The following SLC1A5 variants were observed in gnomAD, a reference collection of about 807,000 sequenced individuals.
The protein encoded by SLC1A5 is solute carrier family 1 member 5.
Under a neutral mutation model 34.9 loss-of-function variants are expected in SLC1A5, and 25 were observed. The observed-to-expected ratio is 0.72, with a 90% CI of 0.52 to 1.00. SLC1A5 has a LOEUF of 1.00. SLC1A5 is among the 50% of genes least tolerant of loss of function. SLC1A5 has a pLI of 0.00. For synonymous variants in SLC1A5, 351 were observed against 341.2 expected (o/e 1.03, Z -0.32); for missense variants, 637 against 740.0 (o/e 0.86, Z 1.61).
In SLC1A5 at chr19:46,778,824, G is replaced by T. The variant is rs371793124; in HGVS notation, c.909C>A (p.Gly303=). Residue 303 remains glycine (G), a synonymous_variant, in exon 5 of 8, where the codon GGC becomes GGA. Transcript: ENST00000542575. ...EDVGLLFARL[G]KYILCCLLGH... ...CCAGCAGGCAGCACAGAATGTACTT[G>T]CCAAGGCGGGCAAAGAGTAAACCCA... 3 of 1,611,110 alleles carry T rather than the reference G, an allele frequency of 1.9e-6. No individual in the cohort carries two copies. In the African/African-American group the frequency reaches 4.0e-5, roughly 22 times the overall value.
At chr19:46,782,361 A>ACCCCCCCCCCCCCCCCCC in intron 4 of SLC1A5, 22 bp downstream of exon 4, 1 of 263,478 alleles carries the variant, frequency 3.8e-6, no homozygotes. Flanking sequence ...ACCCACCCCC[A>ACCCCCCCCCCCCCCCCCC]GCCTCCTCTC....
At position 46,784,156 on chromosome 19, in the gene SLC1A5, G is replaced by A. The variant is rs566449427; in HGVS notation, c.610-12C>T. The A allele has an allele frequency of 6.2e-7, 1 of 1,608,452 alleles. No homozygotes were observed. The highest frequency in any genetic ancestry group is 2.2e-5 in the East Asian group (1 of 44,856). On this transcript the variant is annotated splice_polypyrimidine_tract_variant and intron_variant, in intron 2 of 7. Coordinates refer to ENST00000542575, the MANE Select transcript of SLC1A5 (RefSeq NM_005628.3). ...TAGGTGGTAGAGTACTGTAGGTGGGGTTGGGAAGAGTCAGTGTCCATCGTT... is the reference window on the plus strand; with the variant it reads ...TAGGTGGTAGAGTACTGTAGGTGGGATTGGGAAGAGTCAGTGTCCATCGTT...
intron 3 of SLC1A5, among the ~76,000 whole-genome samples, chr19:46,783,509 C>T (rs2055163977): frequency 6.7e-6 from 1 of 150,348 alleles, no homozygotes. Flanking sequence ...AAAAGATACT[C>T]AGGGCCAGGA....
chr19:46,782,346 A>ACCCCCCCCCCCCCCCCCCAC, intron 4 of SLC1A5, 37 bp downstream of exon 4: 1 of 567,986 alleles, frequency 1.8e-6, no homozygotes, highest in East Asian at 3.6e-5. Context: ...CGACCCTCCA[A>ACCCCCCCCCCCCCCCCCCAC]CCCCACCCAC....
At chr19:46,777,478 A>C in intron 5 of SLC1A5, 73 bp from the exon 6 acceptor site, 1 of 1,431,708 alleles carries the variant, frequency 7.0e-7, no homozygotes, top group Non-Finnish European at 9.3e-7. Flanking sequence ...GGTCCAGCCC[A>C]GGTGAGGCCT....
At chr19:46,779,253 C>T (rs1413923346) in intron 4 of SLC1A5, among the ~76,000 whole-genome samples, 13 of 151,856 alleles carry the variant, frequency 8.6e-5, no homozygotes, top group Admixed American at 7.2e-4. Context: ...GGAGAAACCC[C>T]GTCTCTACTA....
rs139303454 is a variant in SLC1A5, at chr19:46,775,663, C to T, written c.1473G>A (p.Ser491=). 53 of 1,614,076 alleles carry T rather than the reference C, an allele frequency of 3.3e-5. 1 individual carries two copies. The East Asian group carries it at 8.9e-4, about 27-fold the overall frequency. ...LLQNYVDRTE[S]RSTEPELIQV... is the part of the protein sequence containing the mutation. ...GTATCAACTCAGGCTCTGTGCTTCTCGACTCCGTACGGTCCACGTAATTTT... is the reference window on the plus strand; with the variant it reads ...GTATCAACTCAGGCTCTGTGCTTCTTGACTCCGTACGGTCCACGTAATTTT... The change falls in exon 8 of 8, where the codon TCG becomes TCA. Residue 491 remains serine (S), a synonymous_variant. Coordinates refer to ENST00000542575, the MANE Select transcript of SLC1A5 (RefSeq NM_005628.3).
At chr19:46,781,569 G>A (rs946477010) in intron 4 of SLC1A5, among the ~76,000 whole-genome samples, 1 of 152,186 alleles carries the variant, frequency 6.6e-6, no homozygotes, top group Non-Finnish European at 1.5e-5. Flanking sequence ...TTGCACTCCA[G>A]CCTGGGCAAC....
In SLC1A5 at chr19:46,788,312, T is replaced by G; in HGVS notation, c.-347A>C. On this transcript the variant is annotated 5_prime_UTR_variant, in exon 1 of 8. Transcript: ENST00000542575. Reference sequence around the variant, plus strand: ...GGGCCCTTGGCTCCAGGAGGTTGAGTGCCCCCAGATGGCGGAGGTCTGCAG... The same window carrying G: ...GGGCCCTTGGCTCCAGGAGGTTGAGGGCCCCCAGATGGCGGAGGTCTGCAG... 1 of 249,784 alleles carries G rather than the reference T, an allele frequency of 4.0e-6. No homozygotes were observed. The highest frequency in any genetic ancestry group is 7.6e-6 in the Non-Finnish European group (1 of 131,674). 15.5% of individuals were successfully genotyped at this position (249,784 alleles called of 1,614,324 possible). A position where few individuals can be genotyped will look rare whatever the true frequency, so the allele number is the denominator to read the frequency against.
chr19:46,787,958 G>T lies in SLC1A5; in HGVS notation c.8C>A (p.Ala3Asp). Residue 3 changes from alanine to aspartate, a missense_variant, in exon 1 of 8, where the codon GCC (alanine) becomes GAC (aspartate). Ala to Asp is a moderately radical substitution (Grantham distance 126). Transcript: ENST00000542575. This position sits in a 1 kb window ranked among gnomAD's most constrained non-coding sequence, Gnocchi z 5.2. MV[A>D]DPPRDSKGLA... is the part of the protein sequence containing the mutation. The stretch of plus-strand genomic sequence containing the variant: ...CCCCTTGGAGTCTCGAGGAGGATCG[G>T]CCACCATGATGGGAAGCACCGGGGT... The T allele has an allele frequency of 6.4e-7, 1 of 1,562,202 alleles. No individual in the cohort carries two copies. Among genetic ancestry groups the T allele is most frequent in the Non-Finnish European group, 8.6e-7 (1 of 1,157,478 alleles).
chr19:46,786,228 A>T (rs1339203899), intron 1 of SLC1A5, among the ~76,000 whole-genome samples: 1 of 152,152 alleles, frequency 6.6e-6, no homozygotes, highest in Admixed American at 6.6e-5. Flanking sequence ...GACCGCTGGT[A>T]TCTGGCCATG....
chr19:46,783,979 G>A (rs1288571073), intron 3 of SLC1A5, 118 bp downstream of exon 3: 2 of 758,068 alleles, frequency 2.6e-6, no homozygotes, highest in Non-Finnish European at 4.6e-6. Context: ...ACAGAAATTG[G>A]GGAAGGACTG....
chr19:46,784,948 GA>G, intron 1 of SLC1A5: 1 of 1,120,334 alleles, frequency 8.9e-7, no homozygotes, highest in Non-Finnish European at 1.1e-6. Context: ...GCGGCTCTGA[GA>G]GTATGGGGGA....
chr19:46,775,539 C>T lies in SLC1A5; in HGVS notation c.1597G>A (p.Val533Ile). 2 of 1,613,250 alleles carry T rather than the reference C, an allele frequency of 1.2e-6. No individual in the cohort carries two copies. Among genetic ancestry groups the T allele is most frequent in the Non-Finnish European group, 1.7e-6 (2 of 1,179,466 alleles). The change falls in exon 8 of 8, where the codon GTC (valine) becomes ATC (isoleucine). Residue 533 changes from valine (V) to isoleucine (I), a missense_variant. Physicochemically the swap from Val to Ile is conservative, Grantham distance 29. Coordinates refer to ENST00000542575, the MANE Select transcript of SLC1A5 (RefSeq NM_005628.3). ...HYRGPAGDAT[V>I]ASEKESVM ...ATGACTGATTCCTTCTCAGAGGCGA[C>T]CGTGGCATCCCCTGCGGGCCCCCGA...
chr19:46,787,616 G>C lies in SLC1A5; in HGVS notation c.350C>G (p.Ala117Gly). The change falls in exon 1 of 8, where the codon GCC becomes GGC. Residue 117 changes from alanine to glycine, a missense_variant. By Grantham distance (60) the Ala-to-Gly change is moderately conservative. Transcript: ENST00000542575. The surrounding 1 kb of genome is among the most constrained non-coding windows in gnomAD (Gnocchi z 5.2). ...LVVCSLIGGA[A>G]SLDPGALGRL... is the part of the protein sequence containing the mutation. ...GCCGAGCGCGCCGGGGTCCAGGCTG[G>C]CGGCGCCGCCGATCAAGCTGCACAC... 6.4e-7 allele frequency: 1 copy of C among 1,564,030 alleles called. No individual in the cohort carries two copies. Among genetic ancestry groups the C allele is most frequent in the Non-Finnish European group, 8.6e-7 (1 of 1,157,332 alleles).
At position 46,787,466 on chromosome 19, in the gene SLC1A5, C is replaced by T. The variant is rs1232215797; in HGVS notation, c.500G>A (p.Gly167Glu). ...AASAAINASV[G>E]AAGSAENAPS... ...GGCATTTTCGGCACTGCCCGCGGCT[C>T]CCACGGAGGCGTTGATGGCGGCGGA... Residue 167 changes from glycine (G) to glutamate (E), a missense_variant, in exon 1 of 8, where the codon GGA (glycine) becomes GAA (glutamate). Transcript: ENST00000542575. This position sits in a 1 kb window ranked among gnomAD's most constrained non-coding sequence, Gnocchi z 5.2. The T allele has an allele frequency of 6.3e-7, 1 of 1,596,752 alleles. No individual in the cohort carries two copies. Among genetic ancestry groups the T allele is most frequent in the Admixed American group, 1.7e-5 (1 of 57,336 alleles).
At chr19:46,786,256 C>A (rs549141068) in intron 1 of SLC1A5, among the ~76,000 whole-genome samples, 1 of 152,274 alleles carries the variant, frequency 6.6e-6, no homozygotes, top group South Asian at 2.1e-4. Context: ...CGAGATGCTA[C>A]AGCCTCAGCT....
chr19:46,782,824 C>CTGGA (rs554903399), intron 3 of SLC1A5, among the ~76,000 whole-genome samples: 70 of 152,170 alleles, frequency 4.6e-4, no homozygotes, highest in African/African-American at 1.6e-3. Context: ...GGGGGACTTC[C>CTGGA]TGGAGGAAGG....
chr19:46,777,244 T>G lies in SLC1A5; in HGVS notation c.1220A>C (p.Gln407Pro). ...AAVFIAQLSQ[Q>P]SLDFVKIITI... ...GATGATCTTTACGAAGTCCAAGGAC[T>G]GCTGGCTGAGCTGTGCAATGAACAC... The change falls in exon 6 of 8, where the codon CAG (glutamine) becomes CCG (proline). Residue 407 changes from glutamine (Q) to proline (P), a missense_variant. By Grantham distance (76) the Gln-to-Pro change is moderately conservative (BLOSUM62 -1). Coordinates refer to ENST00000542575, the MANE Select transcript of SLC1A5 (RefSeq NM_005628.3). The G allele has an allele frequency of 6.2e-7, 1 of 1,609,548 alleles. No individual in the cohort carries two copies. Among genetic ancestry groups the G allele is most frequent in the Non-Finnish European group, 8.5e-7 (1 of 1,177,332 alleles).
Sources: gnomAD v4.1 joint callset for allele counts (sites outside exome capture counted in the v4.1 genomes callset) on GRCh38, gnomAD v4.1.1 for gene constraint, Gnocchi (gnomAD v3.1) non-coding constraint, MANE v1.5 for transcripts, NCBI Gene and HGNC (gene_info 2026-07-23, HGNC 2026-07-21) for gene names.